The following CA10 variants were observed in gnomAD, a reference collection of about 807,000 sequenced individuals.
CA10 encodes the protein carbonic anhydrase-related protein 10.
Under a neutral mutation model 44.2 loss-of-function variants are expected in CA10, and 14 were observed. The observed-to-expected ratio is 0.32, with a 90% CI of 0.21 to 0.50. The LOEUF is 0.50. Among genes scored for constraint, CA10 ranks in the 20% least tolerant of loss-of-function variants. The probability of loss-of-function intolerance (pLI) is 0.99; values close to 1 mark genes in which losing one functional copy is unlikely to be tolerated. For missense variants in CA10, 350 were observed against 409.7 expected (o/e 0.85, Z 1.26); for synonymous variants, 159 against 141.6 (o/e 1.12, Z -0.87).
chr17:52,027,737 T>C (rs761263530), intron 2 of CA10, among the ~76,000 whole-genome samples: 4 of 152,134 alleles, frequency 2.6e-5, no homozygotes, highest in Non-Finnish European at 4.4e-5. Flanking sequence ...TAATTTTTCT[T>C]AGGAAAGAAA....
intron 3 of CA10, among the ~76,000 whole-genome samples, chr17:51,783,225 G>A (rs955698028): frequency 2.6e-5 from 4 of 152,048 alleles, no homozygotes; most frequent in Admixed American, 6.6e-5. Context: ...GAACTACATT[G>A]AAAATGAATA....
intron 2 of CA10, among the ~76,000 whole-genome samples, chr17:51,941,556 T>A (rs1983078070): frequency 6.6e-6 from 1 of 152,106 alleles, no homozygotes; most frequent in Non-Finnish European, 1.5e-5. Context: ...ACCAGCCCAT[T>A]AATTATTTCT....
chr17:51,779,188 T>C (rs1291356741), intron 3 of CA10, among the ~76,000 whole-genome samples: 1 of 152,104 alleles, frequency 6.6e-6, no homozygotes, highest in Non-Finnish European at 1.5e-5. Context: ...GAAAGGTAAG[T>C]GCCTCGAGAG....
rs552361642 is a variant in CA10 at position 51,985,076 on chromosome 17, G to A, written c.137-53944C>T. Among the ~76,000 whole-genome samples, 23 of 151,594 alleles carry A rather than the reference G, an allele frequency of 1.5e-4. No homozygotes were observed. In the South Asian group the frequency reaches 2.1e-3, roughly 14 times the overall value. On this transcript the variant is annotated intron_variant, in intron 2 of 8. Transcript: ENST00000451037. Reference sequence around the variant, plus strand: ...GGACATAACCAAAAAAGAAAACTACGGACTGATATCCTTGATGAACACATA... The same window carrying A: ...GGACATAACCAAAAAAGAAAACTACAGACTGATATCCTTGATGAACACATA...
intron 2 of CA10, among the ~76,000 whole-genome samples, chr17:51,955,575 A>T (rs1395081166): frequency 6.6e-6 from 1 of 152,120 alleles, no homozygotes; most frequent in Non-Finnish European, 1.5e-5. Context: ...CCTAAGAATC[A>T]AGACTCAGAT....
At chr17:51,916,698 A>G (rs942776229) in intron 3 of CA10, among the ~76,000 whole-genome samples, 2 of 152,190 alleles carry the variant, frequency 1.3e-5, no homozygotes, top group African/African-American at 4.8e-5. Flanking sequence ...GCAGTATGAA[A>G]GCAGACTAAT....
intron 3 of CA10, among the ~76,000 whole-genome samples, chr17:51,843,567 T>A (rs1012132954): frequency 6.6e-6 from 1 of 152,156 alleles, no homozygotes; most frequent in Non-Finnish European, 1.5e-5. Context: ...CTTCTCTTGG[T>A]TATCTGAAAT....
chr17:51,825,194 A>C (rs1258811644), intron 3 of CA10, among the ~76,000 whole-genome samples: 1 of 152,242 alleles, frequency 6.6e-6, no homozygotes, highest in East Asian at 1.9e-4. Context: ...CTGTGTGTCC[A>C]CATGTGTAAG....
chr17:52,144,799 C>T (rs1450070288), intron 1 of CA10, among the ~76,000 whole-genome samples: 1 of 152,142 alleles, frequency 6.6e-6, no homozygotes, highest in Non-Finnish European at 1.5e-5. Flanking sequence ...CTTTTAGCTT[C>T]AGCCATATCG....
chr17:52,132,570 T>G (rs557199108), intron 1 of CA10, among the ~76,000 whole-genome samples: 1 of 152,292 alleles, frequency 6.6e-6, no homozygotes, highest in Admixed American at 6.5e-5. Flanking sequence ...GACTTCTGGG[T>G]TTCTGACTTA....
rs577121728 is a variant in CA10, at chr17:52,105,600, T to C, written c.62-33207A>G. 4.6e-5 allele frequency among the ~76,000 whole-genome samples: 7 copies of C among 152,332 alleles called. 1 individual carries two copies. The highest frequency in any genetic ancestry group is 4.6e-4 in the Admixed American group (7 of 15,294). ...ACTTTGAGCAAGGTTCTTACCCGCT[T>C]CTTCACCTACAAAATGACAATAATA... On this transcript the variant is annotated intron_variant, in intron 1 of 8. Transcript: ENST00000451037.
chr17:51,925,090 T>C (rs1982373216), intron 3 of CA10, among the ~76,000 whole-genome samples: 1 of 152,168 alleles, frequency 6.6e-6, no homozygotes, highest in Admixed American at 6.5e-5. Flanking sequence ...GGTCTTATTA[T>C]GTTGCTCAGG....
At chr17:51,744,855 C>T (rs1447388429) in intron 4 of CA10, among the ~76,000 whole-genome samples, 1 of 152,158 alleles carries the variant, frequency 6.6e-6, no homozygotes, top group Non-Finnish European at 1.5e-5. Context: ...CTGCTTATCG[C>T]ACTACTTTGC....
chr17:51,688,737 A>G (rs938196376), intron 4 of CA10, among the ~76,000 whole-genome samples: 1 of 152,168 alleles, frequency 6.6e-6, no homozygotes, highest in Admixed American at 6.5e-5. Flanking sequence ...ACAAGTATTT[A>G]TACTCTTTGA....
intron 3 of CA10, among the ~76,000 whole-genome samples, chr17:51,854,962 T>C (rs9910102): frequency 0.21 from 31,195 of 152,084 alleles, 5,842 homozygotes; most frequent in African/African-American, 0.5. Context: ...ATTGAGTAAC[T>C]GGCTCCAGGT....
chr17:51,663,265 T>C (rs78473655), intron 4 of CA10, among the ~76,000 whole-genome samples: 151,155 of 151,156 alleles, frequency 1, 75,577 homozygotes, highest in Middle Eastern at 1. Context: ...CCCCAGGCCT[T>C]CGCATCCTTC....
rs1012574001 is a variant in CA10 at position 51,827,355 on chromosome 17, TAC to T, written c.280-79539_280-79538del. On this transcript the variant is annotated intron_variant, in intron 3 of 8. Transcript: ENST00000451037. Reference sequence around the variant, plus strand: ...ACGCACACACACACACACACACACATACACACACACATACACACACACACAAT... The same window carrying T: ...ACGCACACACACACACACACACACATACACACACATACACACACACACAAT... Among the ~76,000 whole-genome samples, 121 of 140,150 alleles carry T rather than the reference TAC, an allele frequency of 8.6e-4. 1 individual carries two copies. The East Asian group carries it at 0.016, about 18-fold the overall frequency. The allele number at this position is 140,150 out of a possible 152,430, so 91.9% of individuals were successfully genotyped here. A position where few individuals can be genotyped will look rare whatever the true frequency, so the allele number is the denominator to read the frequency against.
At chr17:51,885,205 AT>A (rs911406955) in intron 3 of CA10, among the ~76,000 whole-genome samples, 7 of 151,534 alleles carry the variant, frequency 4.6e-5, no homozygotes, top group African/African-American at 9.7e-5. Flanking sequence ...GTTTTGTCTG[AT>A]TTTTTTTTCA....
intron 2 of CA10, among the ~76,000 whole-genome samples, chr17:51,989,391 C>T (rs572171420): frequency 1.6e-4 from 24 of 152,076 alleles, no homozygotes; most frequent in African/African-American, 5.5e-4. Context: ...CTTTTAGCTT[C>T]CACTTATAAG....
Sources: allele counts gnomAD v4.1 joint callset (sites outside exome capture counted in the v4.1 genomes callset), GRCh38; gene constraint gnomAD v4.1.1; transcripts MANE v1.5; gene names NCBI Gene and HGNC (gene_info 2026-07-23, HGNC 2026-07-21).